The following MDGA2 variants were observed in gnomAD, a reference collection of about 807,000 sequenced individuals.
The protein encoded by MDGA2 is MAM domain-containing glycosylphosphatidylinositol anchor protein 2.
Under a neutral mutation model 117.8 loss-of-function variants are expected in MDGA2, and 40 were observed. The observed-to-expected ratio is 0.34, with a 90% CI of 0.26 to 0.44. The LOEUF is 0.44. Ranked by LOEUF, MDGA2 falls within the 20% of genes least tolerant of loss-of-function variation. The pLI is 1.00. For synonymous variants in MDGA2, 452 were observed against 439.0 expected, an observed-to-expected ratio of 1.03 and a Z score of -0.37; for missense variants, 1,123 against 1,250.6, an observed-to-expected ratio of 0.90 and a Z score of 1.54.
At chr14:46,863,171 T>C (rs1005597185) in intron 14 of MDGA2, among the ~76,000 whole-genome samples, 1 of 152,020 alleles carries the variant, frequency 6.6e-6, no homozygotes, top group Admixed American at 6.6e-5. Flanking sequence ...CTCCACCTCC[T>C]ATATAATTCC....
At chr14:47,236,620 T>C (rs550402418) in intron 2 of MDGA2, among the ~76,000 whole-genome samples, 1 of 152,320 alleles carries the variant, frequency 6.6e-6, no homozygotes, top group South Asian at 2.1e-4. Flanking sequence ...GAAGCAATGA[T>C]AGCATCCCAT....
intron 1 of MDGA2, among the ~76,000 whole-genome samples, chr14:47,317,525 G>A (rs1889844529): frequency 6.6e-6 from 1 of 151,688 alleles, no homozygotes; most frequent in Non-Finnish European, 1.5e-5. Flanking sequence ...CCTTTTTTTT[G>A]GAAGAGTTTA....
chr14:47,663,899 C>T (rs915846353), intron 1 of MDGA2, among the ~76,000 whole-genome samples: 2 of 152,034 alleles, frequency 1.3e-5, no homozygotes, highest in African/African-American at 4.8e-5. Flanking sequence ...ATTAATTAGT[C>T]TTGAAGACTA....
Position 47,482,121 on chromosome 14 carries a change from C to T in MDGA2, c.281-180571G>A, listed in dbSNP as rs1893966451. ...CAACAGTGAGTGAAATGTAGCTCCA[C>T]AGTTCGTTCTTAAAGACATTGTAAT... On this transcript the variant is annotated intron_variant, in intron 1 of 16. Transcript: ENST00000399232. 2.6e-5 allele frequency among the ~76,000 whole-genome samples: 4 copies of T among 152,098 alleles called. 1 individual carries two copies. In the South Asian group the frequency reaches 8.3e-4, roughly 32 times the overall value.
At chr14:46,903,426 C>G (rs959599520) in intron 10 of MDGA2, among the ~76,000 whole-genome samples, 1 of 152,044 alleles carries the variant, frequency 6.6e-6, no homozygotes, top group African/African-American at 2.4e-5. Flanking sequence ...TACTTATATA[C>G]CTTGACTTTT....
intron 1 of MDGA2, among the ~76,000 whole-genome samples, chr14:47,468,269 A>G (rs1172630197): frequency 6.6e-6 from 1 of 152,150 alleles, no homozygotes; most frequent in Non-Finnish European, 1.5e-5. Context: ...AAATGTCTCA[A>G]AGAAAGAAAA....
intron 3 of MDGA2, among the ~76,000 whole-genome samples, chr14:47,175,806 T>C (rs12434447): frequency 0.36 from 49,346 of 137,776 alleles, 9,503 homozygotes; most frequent in African/African-American, 0.47. Context: ...TCAGGGCAAT[T>C]AAGCAGGAGA....
intron 2 of MDGA2, among the ~76,000 whole-genome samples, chr14:47,230,952 A>G (rs1594741663): frequency 6.6e-6 from 1 of 152,092 alleles, no homozygotes; most frequent in South Asian, 2.1e-4. Context: ...TATTGCAAGG[A>G]TTTATATTTA....
At chr14:46,987,615 A>C (rs1322704353) in intron 8 of MDGA2, among the ~76,000 whole-genome samples, 1 of 151,902 alleles carries the variant, frequency 6.6e-6, no homozygotes. Flanking sequence ...AAGGAGCAAC[A>C]CTCCTGTATC....
intron 1 of MDGA2, among the ~76,000 whole-genome samples, chr14:47,601,421 CAAAGGCAGTT>C (rs907296776): frequency 6.6e-6 from 1 of 151,960 alleles, no homozygotes; most frequent in Non-Finnish European, 1.5e-5. Flanking sequence ...CTGTATTGAT[CAAAGGCAGTT>C]ATCTTTCTGG....
chr14:47,083,891 T>C (rs1380639538), intron 6 of MDGA2, among the ~76,000 whole-genome samples: 1 of 151,528 alleles, frequency 6.6e-6, no homozygotes, highest in Non-Finnish European at 1.5e-5. Flanking sequence ...AATCTGTATA[T>C]ACCCTTCCCC....
chr14:46,939,855 T>C (rs1884931027), intron 9 of MDGA2, among the ~76,000 whole-genome samples: 1 of 152,194 alleles, frequency 6.6e-6, no homozygotes, highest in Non-Finnish European at 1.5e-5. Context: ...CCAAAGTCCA[T>C]TTTACACTAA....
At chr14:47,492,237 A>G (rs1181681396) in intron 1 of MDGA2, among the ~76,000 whole-genome samples, 1 of 152,146 alleles carries the variant, frequency 6.6e-6, no homozygotes, top group Non-Finnish European at 1.5e-5. Context: ...ATGAACCCAA[A>G]GTGCGTATCA....
In MDGA2 at chr14:47,123,709, T is replaced by A. The variant is rs557498463; in HGVS notation, c.925+8005A>T. Among the ~76,000 whole-genome samples, 5 of 152,166 alleles carry A rather than the reference T, an allele frequency of 3.3e-5. No homozygotes were observed. The South Asian group carries it at 8.3e-4, about 25-fold the overall frequency. On this transcript the variant is annotated intron_variant, in intron 5 of 16. Transcript: ENST00000399232. Reference sequence around the variant, plus strand: ...TAGATTTTAGTGGGAAATACTAATATCTAACATATGCAGTGACAAAAGTCA... The same window carrying A: ...TAGATTTTAGTGGGAAATACTAATAACTAACATATGCAGTGACAAAAGTCA...
intron 1 of MDGA2, among the ~76,000 whole-genome samples, chr14:47,594,094 T>C (rs1896492873): frequency 6.6e-6 from 1 of 152,136 alleles, no homozygotes; most frequent in Non-Finnish European, 1.5e-5. Context: ...TCAGCGCACT[T>C]TTCTCCCTCA....
chr14:47,493,442 A>G (rs891543757), intron 1 of MDGA2, among the ~76,000 whole-genome samples: 1 of 151,736 alleles, frequency 6.6e-6, no homozygotes, highest in African/African-American at 2.4e-5. Flanking sequence ...CAGTCTCCTG[A>G]ATAGCTGGAT....
At chr14:47,499,597 C>T (rs572903013) in intron 1 of MDGA2, among the ~76,000 whole-genome samples, 72 of 152,266 alleles carry the variant, frequency 4.7e-4, no homozygotes, top group African/African-American at 1.7e-3. Flanking sequence ...TGTCCTATAG[C>T]TCCCTACCAC....
At chr14:47,335,359 T>A (rs572573107) in intron 1 of MDGA2, among the ~76,000 whole-genome samples, 3 of 150,768 alleles carry the variant, frequency 2.0e-5, no homozygotes, top group Admixed American at 6.6e-5. Context: ...GGGAATACTT[T>A]CCTGAAAAGA....
intron 3 of MDGA2, among the ~76,000 whole-genome samples, chr14:47,167,958 A>G (rs571257879): frequency 1.3e-4 from 20 of 152,290 alleles, no homozygotes; most frequent in African/African-American, 4.8e-4. Flanking sequence ...TCCATTTGAT[A>G]AAATGTACAA....
Sources: gnomAD v4.1 joint callset for allele counts (sites outside exome capture counted in the v4.1 genomes callset) on GRCh38, gnomAD v4.1.1 for gene constraint, MANE v1.5 for transcripts, NCBI Gene and HGNC (gene_info 2026-07-23, HGNC 2026-07-21) for gene names.